Variants in RIC1 observed in about 807,000 individuals in gnomAD.
The protein encoded by RIC1 is RIC1 partner of RAB6A GEF complex, also known as guanine nucleotide exchange factor subunit RIC1.
A neutral mutation model predicts 169.0 loss-of-function variants in RIC1; 88 were observed. The ratio of observed to expected loss-of-function variants is 0.52; its 90% CI spans 0.44 to 0.62. The LOEUF is 0.62. Among genes scored for constraint, RIC1 ranks in the 20% least tolerant of loss-of-function variants. RIC1 has a pLI of 0.00. For synonymous variants in RIC1, 790 were observed against 601.5 expected, an observed-to-expected ratio of 1.31 and a Z score of -4.59; for missense variants, 1,877 against 1,725.5, an observed-to-expected ratio of 1.09 and a Z score of -1.56.
chr9:5,758,630 C>G (rs1826147057), intron 17 of RIC1, among the ~76,000 whole-genome samples: 1 of 151,526 alleles, frequency 6.6e-6, no homozygotes, highest in Admixed American at 6.6e-5. Flanking sequence ...TCAAACCTCT[C>G]TGTCATCTTA....
intron 6 of RIC1, among the ~76,000 whole-genome samples, chr9:5,723,224 T>C (rs979753862): frequency 5.9e-5 from 9 of 152,358 alleles, no homozygotes; most frequent in East Asian, 1.9e-4. Flanking sequence ...ACCTATTGTT[T>C]CCTAAGTTTT....
At chr9:5,714,055 G>A in intron 4 of RIC1, 52 bp downstream of exon 4, 1 of 1,165,572 alleles carries the variant, frequency 8.6e-7, no homozygotes, top group Non-Finnish European at 1.3e-6. Flanking sequence ...AGACAATGTA[G>A]TTCGTAAATC....
At chr9:5,640,279 T>A (rs1314196382) in intron 1 of RIC1, among the ~76,000 whole-genome samples, 2 of 152,208 alleles carry the variant, frequency 1.3e-5, no homozygotes, top group African/African-American at 4.8e-5. Flanking sequence ...TACTGTCTTA[T>A]AACCCATTAT....
intron 17 of RIC1, among the ~76,000 whole-genome samples, chr9:5,759,916 C>G (rs1012979260): frequency 4.6e-5 from 7 of 152,122 alleles, no homozygotes; most frequent in Non-Finnish European, 7.4e-5. Flanking sequence ...TAAAAAAGGA[C>G]TCTTATATAT....
chr9:5,684,376 G>T (rs1821079707), intron 2 of RIC1, among the ~76,000 whole-genome samples: 1 of 145,894 alleles, frequency 6.9e-6, no homozygotes, highest in Admixed American at 7.2e-5. Flanking sequence ...GGATCCATTT[G>T]GGGAGAGTTG....
At chr9:5,657,169 TC>T (rs1432032266) in intron 2 of RIC1, among the ~76,000 whole-genome samples, 1 of 152,176 alleles carries the variant, frequency 6.6e-6, no homozygotes, top group Non-Finnish European at 1.5e-5. Context: ...TTTAAATTCC[TC>T]CCTTCCATTC....
intron 23 of RIC1, 111 bp from the exon 24 acceptor site, chr9:5,772,453 A>T: frequency 1.2e-6 from 1 of 811,898 alleles, no homozygotes; most frequent in Non-Finnish European, 1.9e-6. Context: ...TTCATGTTTT[A>T]GTTTCAAGAT....
At chr9:5,732,191 A>C (rs1824410146) in intron 6 of RIC1, among the ~76,000 whole-genome samples, 197 bp from the exon 7 acceptor site, 1 of 152,188 alleles carries the variant, frequency 6.6e-6, no homozygotes, top group South Asian at 2.1e-4. Flanking sequence ...ATTCATGAGA[A>C]GTTTGAGGTT....
intron 2 of RIC1, among the ~76,000 whole-genome samples, chr9:5,668,146 C>A (rs1030018432): frequency 6.6e-6 from 1 of 152,118 alleles, no homozygotes; most frequent in Non-Finnish European, 1.5e-5. Context: ...AAAGTACCAT[C>A]AGATCTCGTA....
intron 3 of RIC1, among the ~76,000 whole-genome samples, chr9:5,694,708 C>T (rs1179604944): frequency 1.3e-5 from 2 of 151,928 alleles, no homozygotes; most frequent in African/African-American, 4.8e-5. Context: ...CTGCCCAAAT[C>T]AGAGAGCCCT....
chr9:5,763,982 CTGTTTA>C lies in RIC1; in HGVS notation c.2841+116_2841+121del. Reference sequence around the variant, plus strand: ...TTTAAGGAATTCATAGTCAAATTTTCTGTTTATATCTTTAATTTGGAAGAATTCAGA... The same window carrying C: ...TTTAAGGAATTCATAGTCAAATTTTCTATCTTTAATTTGGAAGAATTCAGA... On this transcript the variant is annotated intron_variant, in intron 19 of 25. Coordinates refer to ENST00000414202, the MANE Select transcript of RIC1 (RefSeq NM_020829.4). The surrounding 1 kb of genome is among the most constrained non-coding windows in gnomAD (Gnocchi z 5.2). 8.7e-7 allele frequency: 1 copy of C among 1,151,994 alleles called. No homozygotes were observed. The highest frequency in any genetic ancestry group is 1.2e-6 in the Non-Finnish European group (1 of 818,412). The allele number at this position is 1,151,994 out of a possible 1,614,324, so 71.4% of individuals were successfully genotyped here.
intron 3 of RIC1, among the ~76,000 whole-genome samples, chr9:5,698,025 G>A (rs1385219633): frequency 6.6e-6 from 1 of 152,160 alleles, no homozygotes. Flanking sequence ...AAGTTATGTT[G>A]CAAGGAAAAA....
At chr9:5,718,167 G>A (rs1357898052) in intron 4 of RIC1, among the ~76,000 whole-genome samples, 613 of 60,658 alleles carry the variant, frequency 0.01, no homozygotes, top group East Asian at 0.033. Context: ...AAAAAAAAAA[G>A]TTCAGTTCTT....
chr9:5,757,431 A>T lies in RIC1; in HGVS notation c.1972A>T (p.Thr658Ser), dbSNP rs755257768. The T allele has an allele frequency of 1.2e-6, 2 of 1,614,024 alleles. No individual in the cohort carries two copies. Among genetic ancestry groups the T allele is most frequent in the Non-Finnish European group, 8.5e-7 (1 of 1,179,924 alleles). The change falls in exon 17 of 26, where the codon ACC becomes TCC. Residue 658 changes from threonine (T) to serine (S), a missense_variant. Physicochemically the swap from Thr to Ser is moderately conservative, Grantham distance 58. This residue lies in a region of RIC1 where 1,104 missense variants were observed against 992.0 expected (regional missense o/e 1.11). Coordinates refer to ENST00000414202, the MANE Select transcript of RIC1 (RefSeq NM_020829.4). ...LTSVSTENGITLKMPQQARGA... is the reference protein window; with the variant it reads ...LTSVSTENGISLKMPQQARGA... Reference sequence around the variant, plus strand: ...ATCAGTGAGTACAGAGAATGGAATCACCTTGAAAATGCCACAGCAGGTACC... The same window carrying T: ...ATCAGTGAGTACAGAGAATGGAATCTCCTTGAAAATGCCACAGCAGGTACC...
intron 7 of RIC1, among the ~76,000 whole-genome samples, chr9:5,733,298 C>T (rs935876956): frequency 6.8e-6 from 1 of 147,326 alleles, no homozygotes; most frequent in Non-Finnish European, 1.5e-5. Flanking sequence ...GAGTCTCGCT[C>T]TGTTGCCCAG....
At chr9:5,634,359 G>C (rs899525652) in intron 1 of RIC1, among the ~76,000 whole-genome samples, 3 of 152,112 alleles carry the variant, frequency 2.0e-5, no homozygotes, top group Non-Finnish European at 4.4e-5. Context: ...GTACAGGGAG[G>C]GGATCCCTTT....
At chr9:5,708,950 A>G (rs1822764735) in intron 3 of RIC1, among the ~76,000 whole-genome samples, 1 of 151,686 alleles carries the variant, frequency 6.6e-6, no homozygotes, top group Non-Finnish European at 1.5e-5. Flanking sequence ...CTTGGATTCC[A>G]TAGTTAATGA....
intron 8 of RIC1, among the ~76,000 whole-genome samples, chr9:5,741,280 A>C (rs1226238562): frequency 2.0e-5 from 3 of 152,150 alleles, no homozygotes; most frequent in Non-Finnish European, 4.4e-5. Context: ...GGCTTTCTGC[A>C]GTTCAACTGT....
intron 2 of RIC1, among the ~76,000 whole-genome samples, chr9:5,663,253 G>C (rs1194878327): frequency 6.6e-6 from 1 of 152,144 alleles, no homozygotes; most frequent in African/African-American, 2.4e-5. Context: ...CCGATTATGT[G>C]ATCAAATTTA....
Sources: allele counts gnomAD v4.1 joint callset (sites outside exome capture counted in the v4.1 genomes callset), GRCh38; gene constraint gnomAD v4.1.1; regional missense constraint gnomAD v4.1.1; non-coding constraint Gnocchi (gnomAD v3.1); transcripts MANE v1.5; gene names NCBI Gene and HGNC (gene_info 2026-07-23, HGNC 2026-07-21).